Variants in GRID1 observed in about 807,000 individuals in gnomAD.
The protein encoded by GRID1 is glutamate receptor ionotropic, delta-1.
GRID1 carries 28 observed loss-of-function variants against 98.0 expected under a neutral mutation model. That is an observed-to-expected ratio of 0.29 (90% CI 0.21 to 0.39). GRID1 has a LOEUF of 0.39. GRID1 is among the 10% of genes least tolerant of loss of function. GRID1 has a pLI of 1.00. For missense variants in GRID1, 1,111 were observed against 1,340.5 expected, an observed-to-expected ratio of 0.83 and a Z score of 2.67; for synonymous variants, 553 against 538.5, an observed-to-expected ratio of 1.03 and a Z score of -0.37.
intron 12 of GRID1, among the ~76,000 whole-genome samples, chr10:85,710,938 T>TA (rs1841575282): frequency 6.6e-6 from 1 of 151,972 alleles, no homozygotes; most frequent in Non-Finnish European, 1.5e-5. Flanking sequence ...AATGGCTATT[T>TA]AAAAAAACAG....
intron 2 of GRID1, among the ~76,000 whole-genome samples, chr10:86,351,472 C>G (rs1415314636): frequency 6.6e-6 from 1 of 152,206 alleles, no homozygotes; most frequent in Non-Finnish European, 1.5e-5. Flanking sequence ...GGCCCCCCTA[C>G]AAGGTGGCTG....
At chr10:85,721,268 G>A (rs947302247) in intron 12 of GRID1, among the ~76,000 whole-genome samples, 5 of 152,118 alleles carry the variant, frequency 3.3e-5, no homozygotes, top group African/African-American at 9.7e-5. Flanking sequence ...ATACAGACAC[G>A]CTGGAAAGCA....
chr10:85,833,490 T>G (rs549523318), intron 8 of GRID1, among the ~76,000 whole-genome samples: 1 of 150,016 alleles, frequency 6.7e-6, no homozygotes, highest in African/African-American at 2.5e-5. Context: ...AGGCCAGACA[T>G]GTGTGCTAAA....
At position 86,088,310 on chromosome 10, in the gene GRID1, TAGAG is replaced by T. The variant is rs748268064; in HGVS notation, c.726+50505_726+50508del. Among the ~76,000 whole-genome samples, 10 of 150,554 alleles carry T rather than the reference TAGAG, an allele frequency of 6.6e-5. No individual in the cohort carries two copies. The South Asian group carries it at 1.0e-3, about 16-fold the overall frequency. On this transcript the variant is annotated intron_variant, in intron 4 of 15. Transcript: ENST00000327946. The stretch of plus-strand genomic sequence containing the variant: ...AGGAAAAGAGAGAGAGGGAGAGGGA[TAGAG>T]AGAGAGAGAGAGATCACATCTGTTA...
At chr10:86,086,008 A>T (rs1345224807) in intron 4 of GRID1, among the ~76,000 whole-genome samples, 1 of 151,922 alleles carries the variant, frequency 6.6e-6, no homozygotes, top group African/African-American at 2.4e-5. Flanking sequence ...AACTCTTTGG[A>T]GCCTCTAGTC....
intron 12 of GRID1, among the ~76,000 whole-genome samples, chr10:85,689,622 T>C (rs898220819): frequency 1.3e-5 from 2 of 152,104 alleles, no homozygotes; most frequent in African/African-American, 4.8e-5. Context: ...AAAGATAGCA[T>C]GGCAATTGAA....
At chr10:85,623,810 T>A (rs1029658780) in intron 13 of GRID1, among the ~76,000 whole-genome samples, 3 of 152,194 alleles carry the variant, frequency 2.0e-5, no homozygotes, top group African/African-American at 7.2e-5. Context: ...AGGAAGCATT[T>A]GTCATTTCCT....
At chr10:86,142,744 G>A (rs1208177258) in intron 3 of GRID1, among the ~76,000 whole-genome samples, 4 of 152,224 alleles carry the variant, frequency 2.6e-5, no homozygotes, top group African/African-American at 7.2e-5. Context: ...GAGTATGGTA[G>A]GGACACCCAT....
At chr10:85,651,717 C>T (rs962945631) in intron 12 of GRID1, among the ~76,000 whole-genome samples, 18 of 152,164 alleles carry the variant, frequency 1.2e-4, no homozygotes, top group African/African-American at 3.9e-4. Flanking sequence ...TCAGGAAGAA[C>T]GGCCTCAAAA....
At chr10:86,197,345 C>A (rs1457895712) in intron 3 of GRID1, among the ~76,000 whole-genome samples, 3 of 152,000 alleles carry the variant, frequency 2.0e-5, no homozygotes, top group African/African-American at 7.2e-5. Context: ...AGCAAGGAGC[C>A]GGAGCTGGAA....
chr10:85,674,691 A>G (rs1265652066), intron 12 of GRID1, among the ~76,000 whole-genome samples: 1 of 151,974 alleles, frequency 6.6e-6, no homozygotes, highest in Middle Eastern at 3.4e-3. Context: ...AGTACAAGAG[A>G]AGTTAAGAGT....
intron 12 of GRID1, among the ~76,000 whole-genome samples, chr10:85,703,336 T>C (rs772097372): frequency 6.6e-5 from 10 of 152,008 alleles, no homozygotes; most frequent in Non-Finnish European, 1.2e-4. Context: ...TAAAGAAACA[T>C]TCAACAATCA....
chr10:86,074,475 A>G (rs1272468493), intron 4 of GRID1, among the ~76,000 whole-genome samples: 1 of 152,200 alleles, frequency 6.6e-6, no homozygotes, highest in African/African-American at 2.4e-5. Flanking sequence ...AATTTATGCA[A>G]TGACATAATT....
In GRID1 at chr10:85,849,213, G is replaced by A. The variant is rs1048024338; in HGVS notation, c.1233+5283C>T. Among the ~76,000 whole-genome samples the A allele has an allele frequency of 2.0e-5, 3 of 152,334 alleles. No homozygotes were observed. The South Asian group carries it at 6.2e-4, about 32-fold the overall frequency. ...GTAACACTGCATAGCAGATCTGCACGAGGATGTTAATGATGCACTTTCAAG... is the reference window on the plus strand; with the variant it reads ...GTAACACTGCATAGCAGATCTGCACAAGGATGTTAATGATGCACTTTCAAG... On this transcript the variant is annotated intron_variant, in intron 8 of 15. Coordinates refer to ENST00000327946, the MANE Select transcript of GRID1 (RefSeq NM_017551.3).
rs74148751 is a variant in GRID1 at position 85,750,970 on chromosome 10, A to G, written c.1234-21356T>C. 1.9e-3 allele frequency among the ~76,000 whole-genome samples: 288 copies of G among 152,322 alleles called. 1 individual carries two copies. The highest frequency in any genetic ancestry group is 5.6e-3 in the Admixed American group (85 of 15,302). On this transcript the variant is annotated intron_variant, in intron 8 of 15. Transcript: ENST00000327946. ...ACATTAGAAAATATTATGACCCACA[A>G]TGTTGGATAGTAATTGAATAGGAAT...
chr10:85,615,660 A>G (rs1276877964), intron 14 of GRID1, among the ~76,000 whole-genome samples: 3 of 152,240 alleles, frequency 2.0e-5, no homozygotes, highest in Non-Finnish European at 2.9e-5. Flanking sequence ...GCCCCAGAAC[A>G]CTACAGACCT....
chr10:85,769,395 G>A (rs1021442826), intron 8 of GRID1, among the ~76,000 whole-genome samples: 18 of 152,318 alleles, frequency 1.2e-4, no homozygotes, highest in East Asian at 1.2e-3. Context: ...CAGCGTGAGC[G>A]ACACAGAAGA....
At chr10:86,215,655 G>A (rs963623792) in intron 2 of GRID1, among the ~76,000 whole-genome samples, 6 of 152,038 alleles carry the variant, frequency 3.9e-5, no homozygotes, top group Non-Finnish European at 7.4e-5. Context: ...GCACTCCCAG[G>A]AACCCAAGCC....
At chr10:85,735,468 G>A (rs1841869575) in intron 8 of GRID1, among the ~76,000 whole-genome samples, 1 of 152,054 alleles carries the variant, frequency 6.6e-6, no homozygotes, top group African/African-American at 2.4e-5. Flanking sequence ...ACAAACCACT[G>A]GTCTCAGGAA....
Sources: allele counts gnomAD v4.1 joint callset (sites outside exome capture counted in the v4.1 genomes callset), GRCh38; gene constraint gnomAD v4.1.1; transcripts MANE v1.5; gene names NCBI Gene and HGNC (gene_info 2026-07-23, HGNC 2026-07-21).